The following AVEN variants were observed in gnomAD, a reference collection of about 807,000 sequenced individuals.
The protein encoded by AVEN is apoptosis and caspase activation inhibitor.
In AVEN, 41 loss-of-function variants were observed where a neutral mutation model predicts 38.1. The ratio of observed to expected loss-of-function variants is 1.08; its 90% CI spans 0.84 to 1.40. AVEN has a LOEUF of 1.40. AVEN is among the 40% of genes most tolerant of loss of function. AVEN has a pLI of 0.00. For synonymous variants in AVEN, 206 were observed against 171.8 expected, an observed-to-expected ratio of 1.20 and a Z score of -1.56; for missense variants, 605 against 438.8, an observed-to-expected ratio of 1.38 and a Z score of -3.38.
intron 2 of AVEN, among the ~76,000 whole-genome samples, chr15:33,961,779 C>CCGCAG (rs1895193137): frequency 7.9e-6 from 1 of 127,326 alleles, no homozygotes; most frequent in Non-Finnish European, 1.6e-5. Context: ...CGCCACTGCA[C>CCGCAG]TCCAGCCTGG....
At chr15:34,018,031 G>A (rs1898022458) in intron 1 of AVEN, among the ~76,000 whole-genome samples, 1 of 152,110 alleles carries the variant, frequency 6.6e-6, no homozygotes, top group Non-Finnish European at 1.5e-5. Context: ...ACATAATACT[G>A]ACAATGATAC....
chr15:34,003,957 T>G, intron 1 of AVEN, among the ~76,000 whole-genome samples: 1 of 152,192 alleles, frequency 6.6e-6, no homozygotes, highest in East Asian at 1.9e-4. Context: ...AGGAGACAAA[T>G]TACTGACAAA....
chr15:33,888,983 T>C (rs1391290631), intron 2 of AVEN, among the ~76,000 whole-genome samples: 4 of 152,208 alleles, frequency 2.6e-5, no homozygotes, highest in Non-Finnish European at 5.9e-5. Context: ...CCCAAAGTGC[T>C]GGGATTACAG....
downstream of AVEN, chr15:33,854,574 G>A (rs1243299959): frequency 2.7e-5 from 28 of 1,050,452 alleles, no homozygotes; most frequent in East Asian, 7.5e-5. Context: ...AGCCTTATAC[G>A]TGCTGGGGGA....
intron 2 of AVEN, among the ~76,000 whole-genome samples, chr15:33,951,118 T>C (rs753774607): frequency 6.6e-6 from 1 of 151,882 alleles, no homozygotes; most frequent in Non-Finnish European, 1.5e-5. Flanking sequence ...AAGGGTGAAC[T>C]TGTGAGAGGT....
In AVEN at chr15:33,953,357, C is replaced by T. The variant is rs145076562; in HGVS notation, c.445+49675G>A. 5.8e-3 allele frequency among the ~76,000 whole-genome samples: 880 copies of T among 152,196 alleles called. 6 individuals are homozygous for T. Among genetic ancestry groups the T allele is most frequent in the African/African-American group, 0.02 (841 of 41,528 alleles). On this transcript the variant is annotated intron_variant, in intron 2 of 5. Coordinates refer to ENST00000306730, the MANE Select transcript of AVEN (RefSeq NM_020371.3). ...ACAATTCTATGCAAAAAGAACAAAGCTGGAGGCATCACGCTACCTGACTTC... is the reference window on the plus strand; with the variant it reads ...ACAATTCTATGCAAAAAGAACAAAGTTGGAGGCATCACGCTACCTGACTTC...
chr15:33,932,642 T>C (rs540913655), intron 2 of AVEN, among the ~76,000 whole-genome samples: 54 of 152,136 alleles, frequency 3.5e-4, no homozygotes, highest in African/African-American at 1.3e-3. Context: ...CTAGCCAACA[T>C]GATGAAACCC....
chr15:33,882,561 T>TA (rs35267268), intron 2 of AVEN, among the ~76,000 whole-genome samples: 23,824 of 148,906 alleles, frequency 0.16, 2,049 homozygotes, highest in African/African-American at 0.21. Flanking sequence ...GCAAAAATGT[T>TA]AAAAAAAAAA....
intron 1 of AVEN, among the ~76,000 whole-genome samples, chr15:34,030,618 A>G (rs1187327626): frequency 2.0e-5 from 3 of 151,058 alleles, no homozygotes; most frequent in African/African-American, 2.4e-5. Flanking sequence ...GTGAGCCACC[A>G]CGCCCAGCCT....
intron 1 of AVEN, among the ~76,000 whole-genome samples, chr15:34,025,436 C>G (rs1233375645): frequency 6.6e-6 from 1 of 152,134 alleles, no homozygotes; most frequent in Non-Finnish European, 1.5e-5. Context: ...GAGAAGTAGA[C>G]TAGAGTGGTT....
chr15:33,943,723 G>A (rs892617064), intron 2 of AVEN, among the ~76,000 whole-genome samples: 2 of 150,648 alleles, frequency 1.3e-5, no homozygotes, highest in Non-Finnish European at 2.9e-5. Flanking sequence ...TACTTGGGAA[G>A]CTGCGGCAGA....
intron 2 of AVEN, among the ~76,000 whole-genome samples, chr15:33,992,827 A>C (rs1302038476): frequency 8.5e-5 from 13 of 152,230 alleles, no homozygotes; most frequent in Admixed American, 8.5e-4. Flanking sequence ...GGAGGGAAGA[A>C]ATTCCAATGT....
In AVEN at chr15:33,935,496, ATG is replaced by A. The variant is rs386382668; in HGVS notation, c.446-59503_446-59502del. Among the ~76,000 whole-genome samples, 801 of 150,722 alleles carry A rather than the reference ATG, an allele frequency of 5.3e-3. 6 individuals carry two copies. The highest frequency in any genetic ancestry group is 0.019 in the African/African-American group (769 of 40,538). ...TATTTGTGTATATATGTGTATATAT[ATG>A]TATATATGTGTGTGAGTATATATAT... is the stretch of plus-strand genomic sequence containing the variant. On this transcript the variant is annotated intron_variant, in intron 2 of 5. Coordinates refer to ENST00000306730, the MANE Select transcript of AVEN (RefSeq NM_020371.3).
rs148093273 is a variant in AVEN at position 33,895,033 on chromosome 15, C to A, written c.446-19038G>T. Among the ~76,000 whole-genome samples, 271 of 151,794 alleles carry A rather than the reference C, an allele frequency of 1.8e-3. 5 individuals carry two copies. Among genetic ancestry groups the A allele is most frequent in the African/African-American group, 6.5e-3 (268 of 41,426 alleles). On this transcript the variant is annotated intron_variant, in intron 2 of 5. Transcript: ENST00000306730. ...TAGCATAGCAAGATCCCAGAATGTT[C>A]TTTTATTGAAAGAACGTTTCCATCT...
chr15:33,875,590 A>T (rs1891189819), intron 3 of AVEN, among the ~76,000 whole-genome samples: 1 of 152,196 alleles, frequency 6.6e-6, no homozygotes, highest in Non-Finnish European at 1.5e-5. Context: ...CTAATTTTCA[A>T]CTCTCAAGGG....
intron 1 of AVEN, among the ~76,000 whole-genome samples, chr15:34,010,486 C>G (rs921780360): frequency 1.3e-5 from 2 of 152,094 alleles, no homozygotes. Flanking sequence ...GTTTAAGAAC[C>G]TAGTTTTTGC....
intron 2 of AVEN, among the ~76,000 whole-genome samples, chr15:33,937,130 C>A (rs1472255685): frequency 2.5e-4 from 27 of 106,246 alleles, no homozygotes; most frequent in African/African-American, 7.5e-4. Flanking sequence ...GACTTCAACT[C>A]AAAAAAAAAA....
At chr15:33,856,810 C>T (rs2079718990), downstream of AVEN, 1 of 152,278 alleles carries the variant, frequency 6.6e-6, no homozygotes, top group African/African-American at 2.4e-5. Flanking sequence ...AGGCACACAC[C>T]ACCACGCCAA....
intron 2 of AVEN, among the ~76,000 whole-genome samples, chr15:33,994,729 G>A (rs184827964): frequency 1.3e-5 from 2 of 152,234 alleles, no homozygotes; most frequent in African/African-American, 4.8e-5. Flanking sequence ...AAAATTCACT[G>A]TTACAATGGA....
Sources: allele counts gnomAD v4.1 joint callset (sites outside exome capture counted in the v4.1 genomes callset), GRCh38; gene constraint gnomAD v4.1.1; transcripts MANE v1.5; gene names NCBI Gene and HGNC (gene_info 2026-07-23, HGNC 2026-07-21).